The following FGD6 variants were observed in gnomAD, a reference collection of about 807,000 sequenced individuals.
FGD6 encodes the protein FYVE, RhoGEF and PH domain-containing protein 6.
FGD6 carries 90 observed loss-of-function variants against 149.4 expected under a neutral mutation model. The observed-to-expected ratio is 0.60, with a 90% confidence interval of 0.51 to 0.72. FGD6 has a LOEUF of 0.72. Ranked by LOEUF, FGD6 falls within the 30% of genes least tolerant of loss-of-function variation. The pLI is 0.00. For missense variants in FGD6, 1,437 were observed against 1,684.8 expected (o/e 0.85, Z 2.57); for synonymous variants, 527 against 584.0 (o/e 0.90, Z 1.41).
At chr12:95,169,621 T>C (rs986425862) in intron 3 of FGD6, among the ~76,000 whole-genome samples, 6 of 152,202 alleles carry the variant, frequency 3.9e-5, no homozygotes, top group African/African-American at 1.2e-4. Flanking sequence ...ATCCTTCCTT[T>C]ATACGATGTA....
intron 8 of FGD6, among the ~76,000 whole-genome samples, chr12:95,125,285 G>A (rs919729650): frequency 2.0e-5 from 3 of 152,156 alleles, no homozygotes; most frequent in Non-Finnish European, 2.9e-5. Flanking sequence ...GCCGAGAAGC[G>A]ATGATGAAAT....
intron 9 of FGD6, among the ~76,000 whole-genome samples, chr12:95,111,295 G>A (rs768041712): frequency 6.6e-6 from 1 of 152,010 alleles, no homozygotes; most frequent in Non-Finnish European, 1.5e-5. Context: ...CTCACCATAT[G>A]ATTGCTGTGC....
In FGD6 at chr12:95,084,195, A is replaced by G. The variant is rs184739803; in HGVS notation, c.4256+303T>C. Among the ~76,000 whole-genome samples, 7 of 152,368 alleles carry G rather than the reference A, an allele frequency of 4.6e-5. No individual in the cohort carries two copies. In the East Asian group the frequency reaches 1.2e-3, roughly 25 times the overall value. ...CATAGAAGGAGAGGTCAAATGCCTT[A>G]GCTTTCCTTCCTTTCAGCAGAGCAG... On this transcript the variant is annotated intron_variant, in intron 20 of 20. Transcript: ENST00000343958.
At chr12:95,195,844 T>C (rs956296181) in intron 2 of FGD6, among the ~76,000 whole-genome samples, 6 of 147,552 alleles carry the variant, frequency 4.1e-5, no homozygotes, top group Non-Finnish European at 9.0e-5. Context: ...AAGATGGAGA[T>C]GCAAACCTAC....
At position 95,210,071 on chromosome 12, in the gene FGD6, A is replaced by T. The variant is rs575388561; in HGVS notation, c.1213T>A (p.Cys405Ser). The T allele has an allele frequency of 6.2e-7, 1 of 1,614,182 alleles. No individual in the cohort carries two copies. Among genetic ancestry groups the T allele is most frequent in the Non-Finnish European group, 8.5e-7 (1 of 1,180,038 alleles). The stretch of plus-strand genomic sequence containing the variant: ...TTTTCAAAGGAAGTTGTTTCATTAC[A>T]CATGGCTTTCTGTGAATTGACTAAG... Reference protein sequence around the residue: ...QDLVNSQKAMCNETTSFEKMA... With the variant: ...QDLVNSQKAMSNETTSFEKMA... The change falls in exon 2 of 21, where the codon TGT becomes AGT. Residue 405 changes from cysteine to serine, a missense_variant. By Grantham distance (112) the Cys-to-Ser change is moderately radical (BLOSUM62 -1). Coordinates refer to ENST00000343958, the MANE Select transcript of FGD6 (RefSeq NM_018351.4).
rs1480726457 is a variant in FGD6, at chr12:95,209,807, G to A, written c.1477C>T (p.Arg493Ter). The stretch of plus-strand genomic sequence containing the variant: ...CTTTGAGGTTTTTTGGGGACAATTC[G>A]TAGAGAATTTTCCTCTTTTATAACA... ...ESVIKEENSL[R>*]IVPKKPQRHS... Residue 493 changes from arginine (R) to a stop codon, truncating the protein, a stop_gained, in exon 2 of 21, where the codon CGA becomes TGA. Coordinates refer to ENST00000343958, the MANE Select transcript of FGD6 (RefSeq NM_018351.4). LOFTEE classifies it high-confidence loss of function. 3.1e-6 allele frequency: 5 copies of A among 1,610,100 alleles called. No homozygotes were observed. The highest frequency in any genetic ancestry group is 4.2e-6 in the Non-Finnish European group (5 of 1,179,108).
chr12:95,192,731 C>A (rs1372081689), intron 2 of FGD6, among the ~76,000 whole-genome samples: 1 of 152,084 alleles, frequency 6.6e-6, no homozygotes, highest in East Asian at 1.9e-4. Flanking sequence ...TATTTTGTTA[C>A]CTTTCCTACA....
intron 2 of FGD6, among the ~76,000 whole-genome samples, chr12:95,174,875 C>T (rs1881087575): frequency 7.6e-6 from 1 of 131,472 alleles, no homozygotes; most frequent in South Asian, 2.3e-4. Context: ...TGCAGTGAGC[C>T]GAGGCTGCAC....
At chr12:95,140,489 C>T (rs981261890) in intron 6 of FGD6, among the ~76,000 whole-genome samples, 1 of 152,124 alleles carries the variant, frequency 6.6e-6, no homozygotes, top group Non-Finnish European at 1.5e-5. Flanking sequence ...TGGTGGCATG[C>T]GCCTGTAATC....
intron 14 of FGD6, among the ~76,000 whole-genome samples, chr12:95,099,226 C>T (rs145230933): frequency 9.9e-5 from 15 of 152,272 alleles, no homozygotes; most frequent in Middle Eastern, 6.8e-3. Flanking sequence ...AGCACAATGC[C>T]TGGCCCAAGG....
At chr12:95,109,741 C>T (rs1400213008) in intron 9 of FGD6, among the ~76,000 whole-genome samples, 1 of 152,030 alleles carries the variant, frequency 6.6e-6, no homozygotes, top group Non-Finnish European at 1.5e-5. Flanking sequence ...CTCATGTCTG[C>T]AGTCCAGCAA....
Position 95,208,894 on chromosome 12 carries a change from T to C in FGD6, c.2390A>G (p.Tyr797Cys), listed in dbSNP as rs1390270756. 5.0e-6 allele frequency: 8 copies of C among 1,614,018 alleles called. No homozygotes were observed. Among genetic ancestry groups the C allele is most frequent in the Non-Finnish European group, 6.8e-6 (8 of 1,180,020 alleles). ...DANVYEVEEP[Y>C]EAPDGQLQLG... Reference sequence around the variant, plus strand: ...CTGCAGCTGGCCATCTGGAGCTTCATACGGCTCTTCTACCTCATACACATT... The same window carrying C: ...CTGCAGCTGGCCATCTGGAGCTTCACACGGCTCTTCTACCTCATACACATT... The change falls in exon 2 of 21, where the codon TAT (tyrosine) becomes TGT (cysteine). Residue 797 changes from tyrosine (Y) to cysteine (C), a missense_variant. Tyr to Cys is a radical substitution (Grantham distance 194). Coordinates refer to ENST00000343958, the MANE Select transcript of FGD6 (RefSeq NM_018351.4).
chr12:95,151,415 C>T (rs545375709), intron 5 of FGD6, among the ~76,000 whole-genome samples: 77 of 152,118 alleles, frequency 5.1e-4, no homozygotes, highest in Non-Finnish European at 1.1e-3. Context: ...GGACTACAGG[C>T]ATGCCACCAC....
At position 95,202,839 on chromosome 12, in the gene FGD6, C is replaced by T. The variant is rs563245525; in HGVS notation, c.2441+6004G>A. ...GTGGCTACAATTCTAACACGAGAAA[C>T]ACAAAGTTAAAGAGGCATACAGATT... On this transcript the variant is annotated intron_variant, in intron 2 of 20. Transcript: ENST00000343958. Among the ~76,000 whole-genome samples, 146 of 152,294 alleles carry T rather than the reference C, an allele frequency of 9.6e-4. 1 individual carries two copies. Among genetic ancestry groups the T allele is most frequent in the Admixed American group, 2.3e-3 (35 of 15,306 alleles).
At chr12:95,116,631 C>T (rs750037814) in intron 8 of FGD6, among the ~76,000 whole-genome samples, 13 of 152,116 alleles carry the variant, frequency 8.5e-5, no homozygotes, top group African/African-American at 1.4e-4. Flanking sequence ...GAAAACCCAC[C>T]GTTAACACGT....
intron 2 of FGD6, among the ~76,000 whole-genome samples, chr12:95,193,525 T>A (rs1305478904): frequency 6.7e-6 from 1 of 148,172 alleles, no homozygotes; most frequent in Admixed American, 6.8e-5. Context: ...ACCTGGTTAA[T>A]TCTTGTTTTT....
At chr12:95,084,921 C>T (rs761041043) in intron 19 of FGD6, among the ~76,000 whole-genome samples, 17 of 152,238 alleles carry the variant, frequency 1.1e-4, no homozygotes, top group African/African-American at 4.1e-4. Flanking sequence ...AAGGAAGGCA[C>T]GTGATTATAT....
At chr12:95,097,000 C>T (rs1048728887) in intron 14 of FGD6, among the ~76,000 whole-genome samples, 5 of 152,138 alleles carry the variant, frequency 3.3e-5, no homozygotes, top group Admixed American at 6.6e-5. Context: ...TTCTGGAGCC[C>T]GGGGAGCATG....
At chr12:95,115,679 A>G (rs976653742) in intron 8 of FGD6, among the ~76,000 whole-genome samples, 2 of 152,204 alleles carry the variant, frequency 1.3e-5, no homozygotes, top group African/African-American at 4.8e-5. Flanking sequence ...TCTTTATCAG[A>G]CCCAACTGCT....
Sources: gnomAD v4.1 joint callset for allele counts (sites outside exome capture counted in the v4.1 genomes callset) on GRCh38, gnomAD v4.1.1 for gene constraint, MANE v1.5 for transcripts, NCBI Gene and HGNC (gene_info 2026-07-23, HGNC 2026-07-21) for gene names.